Variants in GJA3 observed in about 807,000 individuals in gnomAD.
GJA3 encodes gap junction alpha-3 protein.
For missense variants in GJA3, 571 were observed against 620.3 expected (o/e 0.92, Z 0.84); for synonymous variants, 297 against 292.6 (o/e 1.02, Z -0.15).
intron 1 of GJA3, among the ~76,000 whole-genome samples, chr13:20,147,106 G>A (rs975356322): frequency 1.3e-5 from 2 of 152,256 alleles, no homozygotes; most frequent in African/African-American, 4.8e-5. Flanking sequence ...AGGGCAGGTG[G>A]TACTTGTGCT....
upstream of GJA3, among the ~76,000 whole-genome samples, chr13:20,161,524 C>G (rs1958938343): frequency 6.6e-6 from 1 of 152,104 alleles, no homozygotes; most frequent in Admixed American, 6.5e-5. Flanking sequence ...ACCTAGGTCT[C>G]GCCCGCCTGC....
rs201011067 is a variant in GJA3 at position 20,141,548 on chromosome 13, TGGCCCAGAG to T, written c.*424_*432del. ...ATCAAAGAGATAGAGCTAAGTGCTC[TGGCCCAGAG>T]CTAAGACCCTCTGGGCCGCCCAGAG... is the stretch of plus-strand genomic sequence containing the variant. On this transcript the variant is annotated 3_prime_UTR_variant, in exon 2 of 2. Transcript: ENST00000241125. 795 of 161,104 alleles carry T rather than the reference TGGCCCAGAG, an allele frequency of 4.9e-3. 7 individuals are homozygous for T. Among genetic ancestry groups the T allele is most frequent in the African/African-American group, 0.018 (745 of 41,886 alleles). 10.0% of individuals were successfully genotyped at this position (161,104 alleles called of 1,614,324 possible).
chr13:20,142,746 G>A lies in GJA3; in HGVS notation c.543C>T (p.Cys181=), dbSNP rs74607195. 0.035 allele frequency: 56,671 copies of A among 1,613,678 alleles called. 1,469 individuals carry two copies. The highest frequency in any genetic ancestry group is 0.037 in the Non-Finnish European group (43,857 of 1,179,884). Reference sequence around the variant, plus strand: ...CCGTGTTGGGGCAGGGCCAGCGGTCGCAGCGGTAGAGCGGCTTCAGCTCGA... The same window carrying A: ...CCGTGTTGGGGCAGGGCCAGCGGTCACAGCGGTAGAGCGGCTTCAGCTCGA... ...YGFELKPLYR[C]DRWPCPNTVD... is the part of the protein sequence containing the mutation. Residue 181 remains cysteine, a synonymous_variant, in exon 2 of 2, where the codon TGC becomes TGT. Transcript: ENST00000241125.
intron 1 of GJA3, among the ~76,000 whole-genome samples, chr13:20,151,942 G>A (rs182900947): frequency 2.0e-5 from 3 of 152,266 alleles, no homozygotes; most frequent in African/African-American, 7.2e-5. Flanking sequence ...GAAAAGGCCC[G>A]GCATGCCCCT....
chr13:20,150,178 A>G (rs1052794849), intron 1 of GJA3, among the ~76,000 whole-genome samples: 1 of 152,186 alleles, frequency 6.6e-6, no homozygotes, highest in East Asian at 1.9e-4. Context: ...GCAAGTGCTG[A>G]CCTGAGCTGG....
intron 1 of GJA3, among the ~76,000 whole-genome samples, chr13:20,154,742 T>A (rs1335330308): frequency 2.0e-5 from 3 of 152,240 alleles, no homozygotes; most frequent in Non-Finnish European, 2.9e-5. Context: ...GTTTTCAATT[T>A]TTTAAACTAT....
chr13:20,151,867 G>A (rs1280807837), intron 1 of GJA3, among the ~76,000 whole-genome samples: 7 of 152,134 alleles, frequency 4.6e-5, no homozygotes, highest in Admixed American at 3.9e-4. Flanking sequence ...AGGGGCAAAC[G>A]CACAGCCTCC....
chr13:20,157,110 G>A (rs1252850357), intron 1 of GJA3, among the ~76,000 whole-genome samples: 1 of 152,150 alleles, frequency 6.6e-6, no homozygotes, highest in Non-Finnish European at 1.5e-5. Flanking sequence ...TTCCTTCAAT[G>A]TTTTAGTCCT....
rs1162033842 is a variant in GJA3 at position 20,141,977 on chromosome 13, G to A, written c.*4C>T. 1 of 1,550,204 alleles carries A rather than the reference G, an allele frequency of 6.5e-7. No individual in the cohort carries two copies. The highest frequency in any genetic ancestry group is 2.0e-5 in the Admixed American group (1 of 51,000). Reference sequence around the variant, plus strand: ...ACAGCTGTCTGGAGGCAGGCACCCGGGCACTAGATGGCCAAGTCCTCCGGT... The same window carrying A: ...ACAGCTGTCTGGAGGCAGGCACCCGAGCACTAGATGGCCAAGTCCTCCGGT... On this transcript the variant is annotated 3_prime_UTR_variant, in exon 2 of 2. Coordinates refer to ENST00000241125, the MANE Select transcript of GJA3 (RefSeq NM_021954.4).
upstream of GJA3, among the ~76,000 whole-genome samples, chr13:20,161,342 C>G (rs1357617984): frequency 6.6e-6 from 1 of 152,090 alleles, no homozygotes; most frequent in African/African-American, 2.4e-5. Context: ...CCGCGCGGGA[C>G]GTGAGAGGAG....
In GJA3 at chr13:20,142,991, C is replaced by A; in HGVS notation, c.298G>T (p.Val100Leu). The A allele has an allele frequency of 1.2e-6, 2 of 1,601,488 alleles. No individual in the cohort carries two copies. The highest frequency in any genetic ancestry group is 1.7e-6 in the Non-Finnish European group (2 of 1,173,958). The change falls in exon 2 of 2, where the codon GTG (valine) becomes TTG (leucine). Residue 100 changes from valine to leucine, a missense_variant. Transcript: ENST00000241125. Reference sequence around the variant, plus strand: ...TCTTTCTTCTTCTCTTCCATGCGCACGATGTGCAGCACGTGGCCCAGGTAG... The same window carrying A: ...TCTTTCTTCTTCTCTTCCATGCGCAAGATGTGCAGCACGTGGCCCAGGTAG... ...LIYLGHVLHI[V>L]RMEEKKKERE...
At chr13:20,156,583 A>C (rs9315356) in intron 1 of GJA3, among the ~76,000 whole-genome samples, 41,042 of 152,134 alleles carry the variant, frequency 0.27, 6,988 homozygotes, top group Non-Finnish European at 0.38. Flanking sequence ...AAGTGTTGGG[A>C]TCATAGGCAT....
At chr13:20,150,060 G>A (rs1317751027) in intron 1 of GJA3, among the ~76,000 whole-genome samples, 2 of 152,192 alleles carry the variant, frequency 1.3e-5, no homozygotes, top group Non-Finnish European at 2.9e-5. Context: ...CAAAAATAAA[G>A]CAGAACGCAG....
chr13:20,158,912 C>CAAAAAAAAAAAAAAAAAAAAAAACA (rs1958920719), intron 1 of GJA3, among the ~76,000 whole-genome samples: 1 of 54,980 alleles, frequency 1.8e-5, no homozygotes, highest in Non-Finnish European at 3.1e-5. Context: ...GCAAAACTCT[C>CAAAAAAAAAAAAAAAAAAAAAAACA]AAAAAAAAAA....
Position 20,142,781 on chromosome 13 carries a change from G to A in GJA3, c.508C>T (p.Leu170=). The A allele has an allele frequency of 1.2e-6, 2 of 1,613,748 alleles. No homozygotes were observed. The highest frequency in any genetic ancestry group is 1.7e-5 in the Admixed American group (1 of 60,032). ...AGCGGCTTCAGCTCGAAGCCGTACA[G>A]AAAGTACTGGCCGGCGATGAAGCCC... ...EVGFIAGQYF[L]YGFELKPLYR... The change falls in exon 2 of 2, where the codon CTG becomes TTG. Residue 170 remains leucine (L), a synonymous_variant. Coordinates refer to ENST00000241125, the MANE Select transcript of GJA3 (RefSeq NM_021954.4).
rs541895545 is a variant in GJA3 at position 20,144,073 on chromosome 13, T to G, written c.-17-768A>C. On this transcript the variant is annotated intron_variant, in intron 1 of 1. Coordinates refer to ENST00000241125, the MANE Select transcript of GJA3 (RefSeq NM_021954.4). ...GAAGATGAGGAGTATTGGAGAGGTGTTAAACAAACTAGTATCAAACCAAGC... is the reference window on the plus strand; with the variant it reads ...GAAGATGAGGAGTATTGGAGAGGTGGTAAACAAACTAGTATCAAACCAAGC... Among the ~76,000 whole-genome samples, 26 of 152,256 alleles carry G rather than the reference T, an allele frequency of 1.7e-4. No individual in the cohort carries two copies. In the South Asian group the frequency reaches 4.8e-3, roughly 28 times the overall value.
chr13:20,147,271 C>T (rs1197971201), intron 1 of GJA3, among the ~76,000 whole-genome samples: 1 of 152,212 alleles, frequency 6.6e-6, no homozygotes, highest in Non-Finnish European at 1.5e-5. Flanking sequence ...CCCCATCAGC[C>T]ACTTCCAGAT....
chr13:20,154,717 T>C (rs1301462186), intron 1 of GJA3, among the ~76,000 whole-genome samples: 1 of 152,218 alleles, frequency 6.6e-6, no homozygotes, highest in African/African-American at 2.4e-5. Flanking sequence ...CTTTCTTTGC[T>C]AAAAAGTTTG....
intron 1 of GJA3, among the ~76,000 whole-genome samples, chr13:20,153,880 G>A (rs1958893423): frequency 6.6e-6 from 1 of 151,418 alleles, no homozygotes. Flanking sequence ...CAATTACACA[G>A]ACCAGCATGA....
Sources: allele counts gnomAD v4.1 joint callset (sites outside exome capture counted in the v4.1 genomes callset), GRCh38; gene constraint gnomAD v4.1.1; transcripts MANE v1.5; gene names NCBI Gene and HGNC (gene_info 2026-07-23, HGNC 2026-07-21).